Variants in ARHGAP28 observed in about 807,000 individuals in gnomAD.
ARHGAP28 encodes the protein Rho GTPase activating protein 28.
In ARHGAP28, 56 loss-of-function variants were observed where a neutral mutation model predicts 90.7. The ratio of observed to expected loss-of-function variants is 0.62; its 90% CI spans 0.50 to 0.77. ARHGAP28 has a LOEUF of 0.77. Ranked by LOEUF, ARHGAP28 falls within the 30% of genes least tolerant of loss-of-function variation. ARHGAP28 has a pLI of 0.00. For missense variants in ARHGAP28, 869 were observed against 900.9 expected, an observed-to-expected ratio of 0.96 and a Z score of 0.45; for synonymous variants, 308 against 323.3, an observed-to-expected ratio of 0.95 and a Z score of 0.51.
At chr18:6,798,310 C>T (rs1206988730) in intron 1 of ARHGAP28, among the ~76,000 whole-genome samples, 1 of 152,172 alleles carries the variant, frequency 6.6e-6, no homozygotes, top group Non-Finnish European at 1.5e-5. Flanking sequence ...TCTCCTGCCT[C>T]AGCCTCCCAA....
intron 6 of ARHGAP28, among the ~76,000 whole-genome samples, chr18:6,868,792 G>A (rs1428837167): frequency 6.6e-6 from 1 of 151,976 alleles, no homozygotes; most frequent in African/African-American, 2.4e-5. Flanking sequence ...TGTAAATAAT[G>A]GATCCTGTGC....
At chr18:6,905,325 T>A (rs972633116) in intron 16 of ARHGAP28, among the ~76,000 whole-genome samples, 1 of 152,068 alleles carries the variant, frequency 6.6e-6, no homozygotes, top group African/African-American at 2.4e-5. Flanking sequence ...GTCATTTCAA[T>A]TGATACAGAA....
intron 11 of ARHGAP28, among the ~76,000 whole-genome samples, chr18:6,885,045 C>T (rs747776461): frequency 2.0e-5 from 3 of 152,110 alleles, no homozygotes; most frequent in Admixed American, 6.5e-5. Context: ...CACTGTGTGA[C>T]GTTGTAATTT....
chr18:6,851,423 T>G (rs916854434), intron 4 of ARHGAP28, among the ~76,000 whole-genome samples: 7 of 152,174 alleles, frequency 4.6e-5, no homozygotes, highest in African/African-American at 1.7e-4. Flanking sequence ...TTAAAAAGAC[T>G]GACAATACCA....
At chr18:6,855,698 C>T (rs1019061648) in intron 4 of ARHGAP28, among the ~76,000 whole-genome samples, 7 of 152,228 alleles carry the variant, frequency 4.6e-5, no homozygotes, top group African/African-American at 1.7e-4. Context: ...TTGGGGAGCC[C>T]AGACCTAGGG....
At position 6,870,582 on chromosome 18, in the gene ARHGAP28, G is replaced by T; in HGVS notation, c.812-8G>T. ...TTAAATAGTCTGTATTCTTTGTTTTGTCTTTAGATGATGATTTTCTGGAAA... is the reference window on the plus strand; with the variant it reads ...TTAAATAGTCTGTATTCTTTGTTTTTTCTTTAGATGATGATTTTCTGGAAA... On this transcript the variant is annotated splice_polypyrimidine_tract_variant and splice_region_variant and intron_variant, in intron 6 of 17. Transcript: ENST00000383472. The T allele has an allele frequency of 1.9e-6, 3 of 1,604,476 alleles. No homozygotes were observed. Among genetic ancestry groups the T allele is most frequent in the Non-Finnish European group, 2.6e-6 (3 of 1,173,654 alleles).
chr18:6,855,414 G>T (rs2056944979), intron 4 of ARHGAP28, among the ~76,000 whole-genome samples: 1 of 152,118 alleles, frequency 6.6e-6, no homozygotes, highest in African/African-American at 2.4e-5. Context: ...TGTGGGAAAG[G>T]GCTACCCATT....
At chr18:6,835,664 G>A (rs1037993891) in intron 2 of ARHGAP28, among the ~76,000 whole-genome samples, 4 of 152,068 alleles carry the variant, frequency 2.6e-5, no homozygotes, top group African/African-American at 9.7e-5. Context: ...AAACATATGT[G>A]TAGTAGATTT....
intron 2 of ARHGAP28, among the ~76,000 whole-genome samples, chr18:6,836,529 A>G (rs1191383653): frequency 1.3e-5 from 2 of 152,080 alleles, no homozygotes; most frequent in African/African-American, 4.8e-5. Context: ...GGCAGGTTGT[A>G]TCCAGCTGTC....
intron 1 of ARHGAP28, among the ~76,000 whole-genome samples, chr18:6,764,421 C>T (rs2056184741): frequency 6.6e-6 from 1 of 152,178 alleles, no homozygotes; most frequent in South Asian, 2.1e-4. Context: ...GGTCTTGGAG[C>T]ATATCCCCTG....
At chr18:6,871,102 G>C (rs2057084904) in intron 7 of ARHGAP28, among the ~76,000 whole-genome samples, 1 of 152,162 alleles carries the variant, frequency 6.6e-6, no homozygotes, top group Admixed American at 6.5e-5. Flanking sequence ...GCATGGCCAA[G>C]ATTTCTTTTT....
intron 1 of ARHGAP28, among the ~76,000 whole-genome samples, chr18:6,762,351 A>C (rs1174037882): frequency 1.3e-5 from 2 of 152,208 alleles, no homozygotes; most frequent in Non-Finnish European, 2.9e-5. Flanking sequence ...ATACCACCTT[A>C]TAAGGCTTTA....
At chr18:6,900,490 T>A (rs2057332617) in intron 16 of ARHGAP28, among the ~76,000 whole-genome samples, 1 of 152,064 alleles carries the variant, frequency 6.6e-6, no homozygotes, top group South Asian at 2.1e-4. Flanking sequence ...AAATGGAAAT[T>A]TACAGAACTG....
At chr18:6,800,235 A>C (rs1344535060) in intron 1 of ARHGAP28, among the ~76,000 whole-genome samples, 1 of 152,242 alleles carries the variant, frequency 6.6e-6, no homozygotes, top group Non-Finnish European at 1.5e-5. Flanking sequence ...ATGTGGAGAA[A>C]TAGGAACACT....
intron 10 of ARHGAP28, 68 bp downstream of exon 10, chr18:6,876,276 G>T: frequency 8.6e-7 from 1 of 1,159,074 alleles, no homozygotes; most frequent in South Asian, 1.2e-5. Flanking sequence ...CACAAGCATC[G>T]GGGATCCAGA....
intron 10 of ARHGAP28, among the ~76,000 whole-genome samples, chr18:6,877,311 A>G (rs1453293301): frequency 6.6e-6 from 1 of 152,176 alleles, no homozygotes; most frequent in East Asian, 1.9e-4. Context: ...CTGCTTCTGC[A>G]GGATGAAAGG....
intron 4 of ARHGAP28, among the ~76,000 whole-genome samples, chr18:6,851,974 G>A (rs1232333935): frequency 1.3e-5 from 2 of 152,088 alleles, no homozygotes; most frequent in South Asian, 4.1e-4. Context: ...TATCTTGACT[G>A]TGGTGATGGT....
chr18:6,857,440 C>T (rs546611837), intron 4 of ARHGAP28, among the ~76,000 whole-genome samples: 1 of 152,292 alleles, frequency 6.6e-6, no homozygotes, highest in East Asian at 1.9e-4. Context: ...GTGTGGAGAA[C>T]GCGTTAGCTT....
intron 1 of ARHGAP28, among the ~76,000 whole-genome samples, chr18:6,755,499 G>A (rs546690767): frequency 1.3e-5 from 2 of 152,290 alleles, no homozygotes; most frequent in South Asian, 4.1e-4. Context: ...ATGATGGTCA[G>A]AACAATTGAT....
Sources: allele counts gnomAD v4.1 joint callset (sites outside exome capture counted in the v4.1 genomes callset), GRCh38; gene constraint gnomAD v4.1.1; transcripts MANE v1.5; gene names NCBI Gene and HGNC (gene_info 2026-07-23, HGNC 2026-07-21).